The following STK24 variants were observed in gnomAD, a reference collection of about 807,000 sequenced individuals.
The protein encoded by STK24 is serine/threonine kinase 24.
A neutral mutation model predicts 55.6 loss-of-function variants in STK24; 21 were observed. The observed-to-expected ratio is 0.38, with a 90% confidence interval of 0.27 to 0.54. STK24 has a LOEUF of 0.54. Among genes scored for constraint, STK24 ranks in the 20% least tolerant of loss-of-function variants. The pLI, the probability that STK24 is intolerant of heterozygous loss-of-function variation, is 0.79. For missense variants in STK24, 383 were observed against 538.4 expected (o/e 0.71, Z 2.86); for synonymous variants, 200 against 215.2 (o/e 0.93, Z 0.62).
chr13:98,463,289 G>A (rs536975448), intron 7 of STK24, among the ~76,000 whole-genome samples: 1 of 152,272 alleles, frequency 6.6e-6, no homozygotes, highest in East Asian at 1.9e-4. Flanking sequence ...TCCTGGTACA[G>A]AAGCTTCTAC....
Position 98,575,566 on chromosome 13 carries a change from G to C in STK24, c.42+1179C>G, listed in dbSNP as rs76848047. Among the ~76,000 whole-genome samples the C allele has an allele frequency of 4.0e-3, 607 of 152,234 alleles. 3 individuals are homozygous for C. Among genetic ancestry groups the C allele is most frequent in the African/African-American group, 0.014 (583 of 41,532 alleles). On this transcript the variant is annotated intron_variant, in intron 1 of 10. Coordinates refer to ENST00000539966, the MANE Select transcript of STK24 (RefSeq NM_001032296.4). ...ACGGTTTCAAAAAAAGAAGGGAGAG[G>C]GATGATCTCACTGGAAGAGGCGAGC...
At chr13:98,464,495 C>CTTT (rs551373383) in intron 6 of STK24, among the ~76,000 whole-genome samples, 1 of 106,802 alleles carries the variant, frequency 9.4e-6, no homozygotes, top group Non-Finnish European at 2.0e-5. Context: ...TGTTGTTTAA[C>CTTT]TTTTTTTTTT....
intron 1 of STK24, chr13:98,521,691 C>G (rs1463546430): frequency 1.4e-6 from 1 of 731,236 alleles, no homozygotes; most frequent in African/African-American, 1.7e-5. Context: ...GCGGGGGAAG[C>G]AGCGCATCCT....
chr13:98,569,612 A>T (rs1300430721), intron 1 of STK24, among the ~76,000 whole-genome samples: 3 of 152,068 alleles, frequency 2.0e-5, no homozygotes, highest in Non-Finnish European at 4.4e-5. Context: ...TGCTGGGATG[A>T]ATGAGAAGCA....
At chr13:98,575,402 TATATACACACACACACACACACACAC>T (rs776128106) in intron 1 of STK24, among the ~76,000 whole-genome samples, 3 of 98,550 alleles carry the variant, frequency 3.0e-5, no homozygotes, top group South Asian at 2.9e-4. Context: ...ATACTGCTTA[TATATACACACACACACACACACACAC>T]ATATACACAC....
chr13:98,565,623 C>T (rs538623538), intron 1 of STK24, among the ~76,000 whole-genome samples: 1 of 132,662 alleles, frequency 7.5e-6, no homozygotes, highest in African/African-American at 2.7e-5. Flanking sequence ...GAGAATGAGA[C>T]TCCATCTCAA....
chr13:98,462,478 G>C lies in STK24; in HGVS notation c.930-581C>G, dbSNP rs1893747642. ...TGGGCCTCAGAGGCAATGAGCCCCA[G>C]GCCCTGCTGATCATCCCCTGATGCC... is the stretch of plus-strand genomic sequence containing the variant. On this transcript the variant is annotated intron_variant, in intron 7 of 10. Coordinates refer to ENST00000539966, the MANE Select transcript of STK24 (RefSeq NM_001032296.4). Among the ~76,000 whole-genome samples the C allele has an allele frequency of 2.0e-5, 3 of 152,092 alleles. No individual in the cohort carries two copies. In the South Asian group the frequency reaches 6.2e-4, roughly 32 times the overall value.
At chr13:98,501,824 G>A (rs1187215117) in intron 2 of STK24, among the ~76,000 whole-genome samples, 1 of 152,082 alleles carries the variant, frequency 6.6e-6, no homozygotes, top group Non-Finnish European at 1.5e-5. Context: ...ACGGCCCAAG[G>A]TCCCCATTTG....
intron 7 of STK24, among the ~76,000 whole-genome samples, chr13:98,463,480 G>C (rs1005200720): frequency 2.0e-5 from 3 of 151,880 alleles, no homozygotes; most frequent in Non-Finnish European, 4.4e-5. Context: ...TCTACCACAA[G>C]AGTTCACTCG....
At chr13:98,535,398 TACACACACAC>T (rs56768700) in intron 1 of STK24, among the ~76,000 whole-genome samples, 3,719 of 142,748 alleles carry the variant, frequency 0.026, 118 homozygotes, top group African/African-American at 0.07. Context: ...TATGTGTGTA[TACACACACAC>T]ACACACACAC....
chr13:98,506,993 C>A (rs1364935994), intron 2 of STK24, among the ~76,000 whole-genome samples: 1 of 152,182 alleles, frequency 6.6e-6, no homozygotes, highest in Admixed American at 6.5e-5. Context: ...GGCGTGCTGA[C>A]CTGTGAGCAG....
rs182570386 is a variant in STK24 at position 98,538,516 on chromosome 13, C to T, written c.43-19043G>A. ...CTGGGATTACAGGCATGAGCCACCG[C>T]GGCTTGGTGCCTATTTTTAATCCCT... On this transcript the variant is annotated intron_variant, in intron 1 of 10. Coordinates refer to ENST00000539966, the MANE Select transcript of STK24 (RefSeq NM_001032296.4). 5.3e-5 allele frequency among the ~76,000 whole-genome samples: 8 copies of T among 152,136 alleles called. 1 individual carries two copies. The East Asian group carries it at 1.4e-3, about 26-fold the overall frequency.
chr13:98,561,304 C>T (rs1436310288), intron 1 of STK24, among the ~76,000 whole-genome samples: 4 of 152,100 alleles, frequency 2.6e-5, no homozygotes, highest in Admixed American at 2.0e-4. Flanking sequence ...GCAAGGAGGT[C>T]GGGCACGGTG....
At chr13:98,556,691 T>C (rs1897295977) in intron 1 of STK24, among the ~76,000 whole-genome samples, 1 of 152,166 alleles carries the variant, frequency 6.6e-6, no homozygotes, top group Admixed American at 6.5e-5. Flanking sequence ...AATGAAAGTC[T>C]GCTGGGTTTA....
Position 98,446,116 on chromosome 13 carries a change from C to T in STK24, c.*7057G>A. On this transcript the variant is annotated 3_prime_UTR_variant, in exon 11 of 11. Coordinates refer to ENST00000539966, the MANE Select transcript of STK24 (RefSeq NM_001032296.4). ...CTTTCAGAATCAGTTGTCTGGAAAC[C>T]TGCTGAGGAAATTCAAAAACAGCAA... The T allele has an allele frequency of 6.2e-7, 1 of 1,613,810 alleles. No homozygotes were observed. Among genetic ancestry groups the T allele is most frequent in the Non-Finnish European group, 8.5e-7 (1 of 1,179,678 alleles).
At chr13:98,455,822 A>C (rs970079073) in intron 10 of STK24, 5 of 152,278 alleles carry the variant, frequency 3.3e-5, no homozygotes, top group African/African-American at 1.2e-4. Flanking sequence ...AAAAGCAGAG[A>C]GCAAAATGCC....
intron 1 of STK24, among the ~76,000 whole-genome samples, chr13:98,529,652 A>G (rs1896530124): frequency 6.6e-6 from 1 of 152,136 alleles, no homozygotes; most frequent in Admixed American, 6.5e-5. Context: ...TGGAGAATAG[A>G]TCCTTGGTTG....
intron 1 of STK24, among the ~76,000 whole-genome samples, chr13:98,525,320 A>C (rs912335): frequency 0.18 from 27,941 of 152,196 alleles, 2,772 homozygotes; most frequent in Non-Finnish European, 0.23. Context: ...GGGCCCCTCA[A>C]CCCCACAGCC....
In STK24 at chr13:98,463,740, A is replaced by G. The variant is rs762155142; in HGVS notation, c.880T>C (p.Trp294Arg). ...LTELIDRYKR[W>R]KAEQSHDDSS... The stretch of plus-strand genomic sequence containing the variant: ...TCGTCATGGCTCTGCTCGGCCTTCC[A>G]TCTCTTGTACCTGTCGATGAGCTCG... Residue 294 changes from tryptophan to arginine, a missense_variant, in exon 7 of 11, where the codon TGG becomes CGG. By Grantham distance (101) the Trp-to-Arg change is moderately radical (BLOSUM62 -3). Transcript: ENST00000539966. 4 of 1,614,194 alleles carry G rather than the reference A, an allele frequency of 2.5e-6. No homozygotes were observed. The highest frequency in any genetic ancestry group is 3.4e-6 in the Non-Finnish European group (4 of 1,180,028).
Sources: allele counts gnomAD v4.1 joint callset (sites outside exome capture counted in the v4.1 genomes callset), GRCh38; gene constraint gnomAD v4.1.1; transcripts MANE v1.5; gene names NCBI Gene and HGNC (gene_info 2026-07-23, HGNC 2026-07-21).